FBN2: variants seen among roughly 807,000 people sequenced by gnomAD.
FBN2 encodes fibrillin-2.
A neutral mutation model predicts 355.6 loss-of-function variants in FBN2; 105 were observed. The ratio of observed to expected loss-of-function variants is 0.30; its 90% CI spans 0.25 to 0.35. FBN2 has a LOEUF of 0.35. FBN2 is among the 10% of genes least tolerant of loss of function. The pLI, the probability that FBN2 is intolerant of heterozygous loss-of-function variation, is 1.00. For missense variants in FBN2, 3,280 were observed against 3,758.7 expected, an observed-to-expected ratio of 0.87 and a Z score of 3.33; for synonymous variants, 1,350 against 1,301.2, an observed-to-expected ratio of 1.04 and a Z score of -0.81.
rs1442003305 is a variant in FBN2 at position 128,292,776 on chromosome 5, AT to A, written c.6167-1123del. Reference sequence around the variant, plus strand: ...TCTCTTTCTTTGGTTGATCAGTAAAATCCTATCCAACATTTAAGAGTGACCT... The same window carrying A: ...TCTCTTTCTTTGGTTGATCAGTAAAACCTATCCAACATTTAAGAGTGACCT... On this transcript the variant is annotated intron_variant, in intron 48 of 64. Transcript: ENST00000262464. Among the ~76,000 whole-genome samples the A allele has an allele frequency of 1.8e-4, 28 of 152,192 alleles. 1 individual carries two copies. Among genetic ancestry groups the A allele is most frequent in the Admixed American group, 1.0e-3 (16 of 15,280 alleles).
Position 128,311,898 on chromosome 5 carries a change from T to A in FBN2, c.4935A>T (p.Thr1645=). The A allele has an allele frequency of 3.1e-6, 5 of 1,608,900 alleles. No individual in the cohort carries two copies. The highest frequency in any genetic ancestry group is 4.3e-6 in the Non-Finnish European group (5 of 1,175,388). Residue 1645 remains threonine, a synonymous_variant, in exon 38 of 65, where the codon ACA becomes ACT. Transcript: ENST00000262464. ...GGATTAGCTCACCTTCTAAAATGATTGTGATGGGGTTAGGTCTGAAGCCTT... is the reference window on the plus strand; with the variant it reads ...GGATTAGCTCACCTTCTAAAATGATAGTGATGGGGTTAGGTCTGAAGCCTT... ...GGEGFRPNPI[T]IILEDIDECQ...
chr5:128,450,435 T>C lies in FBN2; in HGVS notation c.827-3829A>G, dbSNP rs555554996. Among the ~76,000 whole-genome samples, 55 of 152,088 alleles carry C rather than the reference T, an allele frequency of 3.6e-4. 2 individuals carry two copies. In the South Asian group the frequency reaches 0.011, roughly 31 times the overall value. Reference sequence around the variant, plus strand: ...ATTTAAACAATATACTTTGAAACAATGCACAGGTCAAAGAAAAAAAATCAC... The same window carrying C: ...ATTTAAACAATATACTTTGAAACAACGCACAGGTCAAAGAAAAAAAATCAC... On this transcript the variant is annotated intron_variant, in intron 6 of 64. Transcript: ENST00000262464.
chr5:128,276,160 T>A lies in FBN2; in HGVS notation c.7472A>T (p.Asp2491Val). The change falls in exon 59 of 65, where the codon GAC becomes GTC. Residue 2491 changes from aspartate (D) to valine (V), a missense_variant and splice_region_variant. Asp to Val is a radical substitution (Grantham distance 152, BLOSUM62 -3). This residue lies in a region of FBN2 where 2,284 missense variants were observed against 2,749.5 expected (regional missense o/e 0.83). Transcript: ENST00000262464. The stretch of plus-strand genomic sequence containing the variant: ...CGGGGACTGGGAGCATTCATCAAGG[T>A]CTAAGTAAAAGTGATGTGAAGATTA... ...TTDISGTSCI[D>V]LDECSQSPKP... The A allele has an allele frequency of 6.2e-7, 1 of 1,613,554 alleles. No homozygotes were observed. The highest frequency in any genetic ancestry group is 8.5e-7 in the Non-Finnish European group (1 of 1,179,604).
At chr5:128,266,447 C>A (rs1029126736) in intron 62 of FBN2, among the ~76,000 whole-genome samples, 3 of 152,182 alleles carry the variant, frequency 2.0e-5, no homozygotes, top group African/African-American at 7.2e-5. Flanking sequence ...CCATTGCGAG[C>A]TCCTTTGGGG....
chr5:128,323,532 G>C (rs1750450353), intron 34 of FBN2, among the ~76,000 whole-genome samples: 1 of 152,150 alleles, frequency 6.6e-6, no homozygotes, highest in Non-Finnish European at 1.5e-5. Flanking sequence ...AGGCCTTACT[G>C]CATCTTTTGA....
At position 128,259,898 on chromosome 5, in the gene FBN2, A is replaced by T. The variant is rs571122100; in HGVS notation, c.8365-69T>A. On this transcript the variant is annotated intron_variant, in intron 64 of 64. Coordinates refer to ENST00000262464, the MANE Select transcript of FBN2 (RefSeq NM_001999.4). ...ACAAGCAGAGGACTAGAAAGAGATC[A>T]GCTGCAGGGGCTTTGGTCACGAGGA... is the stretch of plus-strand genomic sequence containing the variant. 1.0e-5 allele frequency: 16 copies of T among 1,538,450 alleles called. No homozygotes were observed. The East Asian group carries it at 3.4e-4, about 32-fold the overall frequency.
Position 128,335,175 on chromosome 5 carries a change from C to A in FBN2, c.3968G>T (p.Cys1323Phe). Reference sequence around the variant, plus strand: ...TCCTTTCTTATGATACCCACCAATGCATGTTTTCATGTCCATGGAAGCCAT... The same window carrying A: ...TCCTTTCTTATGATACCCACCAATGAATGTTTTCATGTCCATGGAAGCCAT... ...GFMASMDMKT[C>F]IDVNECDLNS... Residue 1323 changes from cysteine to phenylalanine, a missense_variant, in exon 30 of 65, where the codon TGC becomes TTC. Transcript: ENST00000262464. 6.2e-7 allele frequency: 1 copy of A among 1,614,082 alleles called. No individual in the cohort carries two copies.
At chr5:128,440,197 C>T (rs1427228117) in intron 7 of FBN2, among the ~76,000 whole-genome samples, 1 of 152,146 alleles carries the variant, frequency 6.6e-6, no homozygotes, top group African/African-American at 2.4e-5. Context: ...CTTATCTTTC[C>T]ATAGGAATAG....
chr5:128,280,325 AAAAC>A lies in FBN2; in HGVS notation c.7013-12_7013-9del. The A allele has an allele frequency of 6.2e-7, 1 of 1,603,180 alleles. No individual in the cohort carries two copies. The highest frequency in any genetic ancestry group is 2.2e-5 in the East Asian group (1 of 44,706). On this transcript the variant is annotated splice_polypyrimidine_tract_variant and intron_variant, in intron 55 of 64. Transcript: ENST00000262464. ...TCCTGCATTCATTTTCATCTTTAGA[AAAAC>A]AAACAATATGAATAATGAGAAAACT...
chr5:128,296,619 T>C (rs1183350313), intron 48 of FBN2, among the ~76,000 whole-genome samples: 1 of 152,154 alleles, frequency 6.6e-6, no homozygotes, highest in Non-Finnish European at 1.5e-5. Flanking sequence ...TCTAGTTTAT[T>C]TGTGTAGAGG....
intron 5 of FBN2, among the ~76,000 whole-genome samples, chr5:128,479,662 C>T (rs1053726637): frequency 1.3e-5 from 2 of 151,982 alleles, no homozygotes; most frequent in Non-Finnish European, 1.5e-5. Flanking sequence ...CCTGGTGGCT[C>T]ATGTCTGAAA....
intron 5 of FBN2, among the ~76,000 whole-genome samples, chr5:128,503,327 T>C (rs1755865737): frequency 6.6e-6 from 1 of 152,220 alleles, no homozygotes; most frequent in Non-Finnish European, 1.5e-5. Flanking sequence ...AACAGACTAC[T>C]AATACAGTAA....
At chr5:128,534,217 T>C (rs1181685424) in intron 2 of FBN2, among the ~76,000 whole-genome samples, 1 of 152,202 alleles carries the variant, frequency 6.6e-6, no homozygotes, top group Non-Finnish European at 1.5e-5. Flanking sequence ...TTTTGCTAAA[T>C]GGTGTGATAC....
intron 5 of FBN2, among the ~76,000 whole-genome samples, chr5:128,505,827 T>C (rs1182353395): frequency 6.6e-6 from 1 of 152,224 alleles, no homozygotes; most frequent in Admixed American, 6.5e-5. Context: ...ACAATAAATA[T>C]TCCGTTGTAT....
At chr5:128,459,677 G>A (rs921173996) in intron 6 of FBN2, among the ~76,000 whole-genome samples, 19 of 152,090 alleles carry the variant, frequency 1.2e-4, no homozygotes, top group African/African-American at 2.9e-4. Context: ...ATCAATAAAC[G>A]TAATCCATCA....
At chr5:128,414,094 G>A (rs1025143574) in intron 7 of FBN2, among the ~76,000 whole-genome samples, 3 of 152,072 alleles carry the variant, frequency 2.0e-5, no homozygotes, top group African/African-American at 7.2e-5. Flanking sequence ...TGTATCAACT[G>A]TACTCAGAAT....
intron 37 of FBN2, 151 bp downstream of exon 37, chr5:128,312,483 C>T: frequency 1.3e-6 from 1 of 764,214 alleles, no homozygotes; most frequent in South Asian, 1.7e-5. Flanking sequence ...ACATTCTTGG[C>T]TGGTTTCAGA....
chr5:128,292,853 A>G (rs976880627), intron 48 of FBN2, among the ~76,000 whole-genome samples: 3 of 152,122 alleles, frequency 2.0e-5, no homozygotes, highest in Non-Finnish European at 4.4e-5. Flanking sequence ...CCACCCTCTC[A>G]CAACTACCAT....
chr5:128,349,754 C>T (rs879157623), intron 22 of FBN2, among the ~76,000 whole-genome samples: 2 of 152,192 alleles, frequency 1.3e-5, no homozygotes, highest in Non-Finnish European at 2.9e-5. Context: ...ATTTACACAA[C>T]TCCATAAAGA....
Sources: allele counts gnomAD v4.1 joint callset (sites outside exome capture counted in the v4.1 genomes callset), GRCh38; gene constraint gnomAD v4.1.1; regional missense constraint gnomAD v4.1.1; transcripts MANE v1.5; gene names NCBI Gene and HGNC (gene_info 2026-07-23, HGNC 2026-07-21).